SMIM31: variants seen among roughly 807,000 people sequenced by gnomAD.
SMIM31 encodes the protein human epithelial cell program regulator.
chr4:164,762,698 AAAAG>A (rs1001199487), intron 1 of SMIM31, among the ~76,000 whole-genome samples: 12 of 151,712 alleles, frequency 7.9e-5, no homozygotes, highest in African/African-American at 1.2e-4. Flanking sequence ...AAGAAAAAGA[AAAAG>A]AAAGAAAGTG....
intron 2 of SMIM31, among the ~76,000 whole-genome samples, chr4:164,771,715 A>G (rs949078957): frequency 6.6e-6 from 1 of 152,124 alleles, no homozygotes; most frequent in Non-Finnish European, 1.5e-5. Context: ...AGGCTGAGGC[A>G]GGAGAATCAG....
At chr4:164,762,454 C>T (rs997452295) in intron 1 of SMIM31, among the ~76,000 whole-genome samples, 1 of 151,996 alleles carries the variant, frequency 6.6e-6, no homozygotes, top group African/African-American at 2.4e-5. Context: ...TGGTGGCTCA[C>T]ACCTATAATC....
chr4:164,782,610 T>G (rs67860438), intron 2 of SMIM31, among the ~76,000 whole-genome samples: 2 of 137,212 alleles, frequency 1.5e-5, no homozygotes, highest in Admixed American at 7.0e-5. Flanking sequence ...CGTGAGCCAC[T>G]GCGCCCGGCC....
intron 2 of SMIM31, among the ~76,000 whole-genome samples, chr4:164,793,375 G>A (rs6852887): frequency 0.73 from 110,610 of 152,088 alleles, 40,734 homozygotes; most frequent in Non-Finnish European, 0.8. Context: ...TTGAAATTAT[G>A]AAACAAAAAA....
chr4:164,767,190 C>T (rs1360474142), intron 1 of SMIM31, among the ~76,000 whole-genome samples: 4 of 152,102 alleles, frequency 2.6e-5, no homozygotes, highest in Non-Finnish European at 5.9e-5. Flanking sequence ...AGATCATTCC[C>T]TTCGTGATGC....
chr4:164,784,669 C>T (rs1733003242), intron 2 of SMIM31, among the ~76,000 whole-genome samples: 1 of 152,090 alleles, frequency 6.6e-6, no homozygotes. Context: ...ATAAGAAAGG[C>T]CTAGGTTTGG....
intron 2 of SMIM31, among the ~76,000 whole-genome samples, chr4:164,777,951 C>T (rs1259080800): frequency 6.6e-6 from 1 of 152,260 alleles, no homozygotes; most frequent in Non-Finnish European, 1.5e-5. Context: ...GGCCCTACAG[C>T]ACTACAGCAC....
chr4:164,793,642 A>C (rs1028391362), intron 2 of SMIM31, among the ~76,000 whole-genome samples: 2 of 152,218 alleles, frequency 1.3e-5, no homozygotes, highest in East Asian at 1.9e-4. Flanking sequence ...GCAGGGAAAA[A>C]GAGCAAGATC....
intron 2 of SMIM31, among the ~76,000 whole-genome samples, chr4:164,783,209 C>A (rs1447333015): frequency 8.5e-6 from 1 of 118,226 alleles, no homozygotes; most frequent in Admixed American, 8.8e-5. Flanking sequence ...CATAGCAAGA[C>A]TCTGTCTCAA....
At chr4:164,754,551 A>G (rs1345633907) in intron 1 of SMIM31, 140 bp downstream of exon 1, 1 of 55,620 alleles carries the variant, frequency 1.8e-5, no homozygotes, top group Non-Finnish European at 3.0e-5. Context: ...TCCTGGAGGT[A>G]TTTTTTTTTT....
chr4:164,765,824 G>A (rs1732713291), intron 1 of SMIM31, among the ~76,000 whole-genome samples: 1 of 151,964 alleles, frequency 6.6e-6, no homozygotes, highest in African/African-American at 2.4e-5. Context: ...AATTCCCACT[G>A]CCCAGAAAAG....
chr4:164,756,581 ATAAT>A (rs751411072), intron 1 of SMIM31, among the ~76,000 whole-genome samples: 1 of 137,348 alleles, frequency 7.3e-6, no homozygotes, highest in Non-Finnish European at 1.5e-5. Flanking sequence ...CAAAAAAAAA[ATAAT>A]AATAATATAA....
At chr4:164,760,736 C>T (rs1325816440) in intron 1 of SMIM31, among the ~76,000 whole-genome samples, 16 of 71,958 alleles carry the variant, frequency 2.2e-4, no homozygotes, top group Non-Finnish European at 4.6e-4. Context: ...TGAGACTCCA[C>T]CTAAAAAAAA....
At chr4:164,780,461 T>C (rs941212957) in intron 2 of SMIM31, among the ~76,000 whole-genome samples, 1 of 152,190 alleles carries the variant, frequency 6.6e-6, no homozygotes, top group African/African-American at 2.4e-5. Flanking sequence ...CTTCTTCTCT[T>C]TTTCTCAAAA....
At chr4:164,784,229 G>A (rs1326227010) in intron 2 of SMIM31, among the ~76,000 whole-genome samples, 1 of 152,148 alleles carries the variant, frequency 6.6e-6, no homozygotes, top group Non-Finnish European at 1.5e-5. Flanking sequence ...ATGATTAAGG[G>A]GACAAAAGAC....
intron 1 of SMIM31, among the ~76,000 whole-genome samples, chr4:164,758,766 T>A (rs1732603400): frequency 6.9e-6 from 1 of 145,028 alleles, no homozygotes; most frequent in East Asian, 2.1e-4. Flanking sequence ...CCAGCATAGC[T>A]GGGACTACAG....
intron 1 of SMIM31, among the ~76,000 whole-genome samples, chr4:164,766,889 G>A (rs1436747508): frequency 6.6e-6 from 1 of 152,164 alleles, no homozygotes; most frequent in East Asian, 1.9e-4. Flanking sequence ...GTCAAGAAAT[G>A]CCTCTGTGGG....
At chr4:164,757,293 C>CG (rs1732574811) in intron 1 of SMIM31, among the ~76,000 whole-genome samples, 1 of 152,072 alleles carries the variant, frequency 6.6e-6, no homozygotes, top group East Asian at 1.9e-4. Context: ...TTGGAGTTTT[C>CG]ATAAGTATGT....
chr4:164,771,166 A>G (rs1228697680), intron 2 of SMIM31, among the ~76,000 whole-genome samples: 2 of 152,212 alleles, frequency 1.3e-5, no homozygotes, highest in East Asian at 1.9e-4. Context: ...TTAAAAGACT[A>G]TTCTATCCGA....
Sources: allele counts gnomAD v4.1 joint callset (sites outside exome capture counted in the v4.1 genomes callset), GRCh38; gene constraint gnomAD v4.1.1; transcripts MANE v1.5; gene names NCBI Gene and HGNC (gene_info 2026-07-23, HGNC 2026-07-21).